The following TMCC1 variants were observed in gnomAD, a reference collection of about 807,000 sequenced individuals.
TMCC1 encodes transmembrane and coiled-coil domain family 1, also known as transmembrane and coiled-coil domains protein 1.
In TMCC1, 15 loss-of-function variants were observed where a neutral mutation model predicts 52.4. That is an observed-to-expected ratio of 0.29 (90% CI 0.19 to 0.44). The LOEUF is 0.44. TMCC1 is among the 20% of genes least tolerant of loss of function. The probability of loss-of-function intolerance (pLI) is 1.00; values close to 1 mark genes in which losing one functional copy is unlikely to be tolerated. For missense variants in TMCC1, 503 were observed against 806.0 expected, an observed-to-expected ratio of 0.62 and a Z score of 4.55; for synonymous variants, 279 against 301.9, an observed-to-expected ratio of 0.92 and a Z score of 0.79.
intron 4 of TMCC1, among the ~76,000 whole-genome samples, chr3:129,693,012 T>G (rs112796802): frequency 0.097 from 14,714 of 152,054 alleles, 829 homozygotes; most frequent in Middle Eastern, 0.16. Context: ...CCAGCTAATT[T>G]TTGTATTTTT....
chr3:129,763,213 AATAAAT>A, intron 4 of TMCC1, among the ~76,000 whole-genome samples: 1 of 104,922 alleles, frequency 9.5e-6, no homozygotes, highest in South Asian at 2.8e-4. Flanking sequence ...ATAAAAAATA[AATAAAT>A]AAATAAATAA....
rs113241142 is a variant in TMCC1, at chr3:129,819,493, A to G, written c.576+8310T>C. ...TATTTTACTGCCTGTAAAAATTTCA[A>G]TTACTCTGAATTAAACTCTACAACT... On this transcript the variant is annotated intron_variant, in intron 4 of 6. Coordinates refer to ENST00000393238, the MANE Select transcript of TMCC1 (RefSeq NM_001017395.5). Among the ~76,000 whole-genome samples, 289 of 152,366 alleles carry G rather than the reference A, an allele frequency of 1.9e-3. 4 individuals carry two copies. Among genetic ancestry groups the G allele is most frequent in the African/African-American group, 6.7e-3 (277 of 41,584 alleles).
At chr3:129,791,684 T>G (rs1289369426) in intron 4 of TMCC1, among the ~76,000 whole-genome samples, 2 of 152,296 alleles carry the variant, frequency 1.3e-5, no homozygotes, top group East Asian at 3.9e-4. Context: ...GTAAGATAAC[T>G]ATAAAGGAAG....
intron 4 of TMCC1, among the ~76,000 whole-genome samples, chr3:129,824,818 C>T (rs1264274389): frequency 6.6e-6 from 1 of 152,170 alleles, no homozygotes; most frequent in East Asian, 1.9e-4. Flanking sequence ...TTAAAAAATA[C>T]AATTTTTCAA....
chr3:129,841,997 G>A (rs559837102), intron 2 of TMCC1, among the ~76,000 whole-genome samples: 3 of 152,080 alleles, frequency 2.0e-5, no homozygotes, highest in African/African-American at 7.2e-5. Context: ...TAATACAAGG[G>A]GTATTATAAT....
intron 5 of TMCC1, among the ~76,000 whole-genome samples, chr3:129,655,314 T>A (rs767083348): frequency 1.5e-4 from 23 of 152,210 alleles, no homozygotes; most frequent in South Asian, 4.1e-4. Context: ...GCAACATGGC[T>A]GTTCCATAAT....
intron 2 of TMCC1, among the ~76,000 whole-genome samples, chr3:129,843,057 CAGA>C (rs894969036): frequency 6.6e-6 from 1 of 152,106 alleles, no homozygotes; most frequent in African/African-American, 2.4e-5. Flanking sequence ...ATAACTAAAA[CAGA>C]AGGAGGCCAG....
intron 4 of TMCC1, among the ~76,000 whole-genome samples, chr3:129,723,364 T>TC (rs1156455636): frequency 2.0e-5 from 3 of 147,046 alleles, no homozygotes; most frequent in Non-Finnish European, 3.0e-5. Context: ...CTTTTTCTTT[T>TC]TTTTTTTTTT....
chr3:129,846,881 A>C (rs1374000754), intron 2 of TMCC1, among the ~76,000 whole-genome samples: 2 of 150,342 alleles, frequency 1.3e-5, no homozygotes, highest in Non-Finnish European at 3.0e-5. Context: ...AAAAAAAAAA[A>C]AAAAAAAAAA....
At chr3:129,689,439 A>G (rs943262086) in intron 4 of TMCC1, among the ~76,000 whole-genome samples, 1 of 152,222 alleles carries the variant, frequency 6.6e-6, no homozygotes, top group Non-Finnish European at 1.5e-5. Flanking sequence ...ATTACAAAAT[A>G]TAGTGTGGCA....
At chr3:129,796,467 A>T (rs1385559758) in intron 4 of TMCC1, among the ~76,000 whole-genome samples, 1 of 152,134 alleles carries the variant, frequency 6.6e-6, no homozygotes, top group Non-Finnish European at 1.5e-5. Flanking sequence ...TCTCCTGTGG[A>T]TAAGGGAAGA....
rs1208258008 is a variant in TMCC1 at position 129,670,392 on chromosome 3, G to A, written c.1449C>T (p.Leu483=). The A allele has an allele frequency of 6.2e-7, 1 of 1,614,156 alleles. No homozygotes were observed. Among genetic ancestry groups the A allele is most frequent in the Non-Finnish European group, 8.5e-7 (1 of 1,180,020 alleles). ...AATAGTCCCTCTGATAATGTTCCTT[G>A]AGAGTCTCAAAGGATTCCTCTAGTC... ...QARLEESFET[L]KEHYQRDYSL... The change falls in exon 5 of 7, where the codon CTC becomes CTT. Residue 483 remains leucine (L), a synonymous_variant. Coordinates refer to ENST00000393238, the MANE Select transcript of TMCC1 (RefSeq NM_001017395.5).
chr3:129,737,802 C>A (rs2051105725), intron 4 of TMCC1, among the ~76,000 whole-genome samples: 1 of 152,058 alleles, frequency 6.6e-6, no homozygotes, highest in Admixed American at 6.6e-5. Context: ...CTAAATTTAC[C>A]ATAATTTCTT....
At chr3:129,879,416 G>A (rs1389712458) in intron 2 of TMCC1, among the ~76,000 whole-genome samples, 1 of 152,100 alleles carries the variant, frequency 6.6e-6, no homozygotes, top group Non-Finnish European at 1.5e-5. Context: ...ACTCCAGCCT[G>A]GGCAACAGAA....
chr3:129,768,481 C>T (rs537073420), intron 4 of TMCC1, among the ~76,000 whole-genome samples: 35 of 152,266 alleles, frequency 2.3e-4, no homozygotes, highest in Admixed American at 2.1e-3. Flanking sequence ...ATCCTGTTTT[C>T]ATTTATTGTA....
chr3:129,663,955 T>G (rs1161765111), intron 5 of TMCC1, among the ~76,000 whole-genome samples: 1 of 152,228 alleles, frequency 6.6e-6, no homozygotes, highest in Non-Finnish European at 1.5e-5. Flanking sequence ...GAGGCTCAGA[T>G]GAGTTATGTA....
At chr3:129,808,653 AC>A (rs2057608524) in intron 4 of TMCC1, among the ~76,000 whole-genome samples, 2 of 151,776 alleles carry the variant, frequency 1.3e-5, no homozygotes, top group South Asian at 4.1e-4. Flanking sequence ...ATCATATTAT[AC>A]TACAAAGCTC....
At chr3:129,677,610 CA>C (rs1576412131) in intron 4 of TMCC1, among the ~76,000 whole-genome samples, 2 of 152,074 alleles carry the variant, frequency 1.3e-5, no homozygotes, top group East Asian at 3.9e-4. Context: ...TTATTTCAAG[CA>C]ATTGTGATAA....
At chr3:129,763,766 T>C (rs12486688) in intron 4 of TMCC1, among the ~76,000 whole-genome samples, 12,335 of 150,702 alleles carry the variant, frequency 0.082, 671 homozygotes, top group East Asian at 0.17. Context: ...GCAGGGGTTG[T>C]AGTGAGCTAA....
Sources: allele counts gnomAD v4.1 joint callset (sites outside exome capture counted in the v4.1 genomes callset), GRCh38; gene constraint gnomAD v4.1.1; transcripts MANE v1.5; gene names NCBI Gene and HGNC (gene_info 2026-07-23, HGNC 2026-07-21).